WNT7A: variants seen among roughly 807,000 people sequenced by gnomAD.
The protein encoded by WNT7A is protein Wnt-7a.
A neutral mutation model predicts 28.2 loss-of-function variants in WNT7A; 16 were observed. That is an observed-to-expected ratio of 0.57 (90% CI 0.38 to 0.86). The LOEUF is 0.86. Ranked by LOEUF, WNT7A falls within the 40% of genes least tolerant of loss-of-function variation. The pLI is 0.00. For synonymous variants in WNT7A, 190 were observed against 195.9 expected, an observed-to-expected ratio of 0.97 and a Z score of 0.25; for missense variants, 411 against 489.7, an observed-to-expected ratio of 0.84 and a Z score of 1.52.
chr3:13,854,153 G>C (rs186120917), intron 3 of WNT7A, among the ~76,000 whole-genome samples: 44 of 152,102 alleles, frequency 2.9e-4, no homozygotes, highest in African/African-American at 9.9e-4. Context: ...GAAGAGGGAG[G>C]AAGGGAAGGA....
chr3:13,864,682 A>G (rs1694882921), intron 2 of WNT7A, among the ~76,000 whole-genome samples: 1 of 152,258 alleles, frequency 6.6e-6, no homozygotes, highest in Admixed American at 6.5e-5. Context: ...ATGAGTGGAC[A>G]TACAAGTGGG....
intron 3 of WNT7A, among the ~76,000 whole-genome samples, chr3:13,820,808 G>A (rs1160849378): frequency 6.6e-6 from 1 of 152,176 alleles, no homozygotes; most frequent in Non-Finnish European, 1.5e-5. Context: ...CCACCAGGGA[G>A]GGAGAGCCAC....
intron 3 of WNT7A, among the ~76,000 whole-genome samples, chr3:13,820,355 A>G (rs1200614194): frequency 6.6e-6 from 1 of 151,656 alleles, no homozygotes; most frequent in Non-Finnish European, 1.5e-5. Flanking sequence ...GCTTTTATGT[A>G]TGGCATCTTA....
chr3:13,839,558 T>C (rs1388422204), intron 3 of WNT7A, among the ~76,000 whole-genome samples: 2 of 152,170 alleles, frequency 1.3e-5, no homozygotes, highest in Non-Finnish European at 2.9e-5. Context: ...CAATGAACGC[T>C]ATCAGGGAAT....
chr3:13,868,679 G>GGAGA (rs1559307115), intron 2 of WNT7A, among the ~76,000 whole-genome samples: 7 of 2,710 alleles, frequency 2.6e-3, no homozygotes, highest in African/African-American at 7.7e-3. Context: ...GGAGAGAGGG[G>GGAGA]GAGAGAGAGA....
At position 13,867,542 on chromosome 3, in the gene WNT7A, A is replaced by G. The variant is rs115128404; in HGVS notation, c.298+7405T>C. Among the ~76,000 whole-genome samples the G allele has an allele frequency of 6.6e-4, 100 of 152,298 alleles. 1 individual carries two copies. The highest frequency in any genetic ancestry group is 2.3e-3 in the African/African-American group (94 of 41,554). ...TTCTTTCAAGGGTGCCAAGGACCCA[A>G]TGAAGTGACGGATGAGAAAGGGCTA... On this transcript the variant is annotated intron_variant, in intron 2 of 3. Transcript: ENST00000285018.
At chr3:13,848,067 T>TAAA (rs58146750) in intron 3 of WNT7A, among the ~76,000 whole-genome samples, 2,295 of 151,652 alleles carry the variant, frequency 0.015, 58 homozygotes, top group African/African-American at 0.05. Context: ...ATGAATTTTT[T>TAAA]AAAAAAAACA....
At chr3:13,838,092 C>T (rs996708053) in intron 3 of WNT7A, among the ~76,000 whole-genome samples, 1 of 152,248 alleles carries the variant, frequency 6.6e-6, no homozygotes, top group South Asian at 2.1e-4. Flanking sequence ...CCGGTTATCT[C>T]TATGCGTCTG....
At chr3:13,849,531 C>T (rs765823224) in intron 3 of WNT7A, among the ~76,000 whole-genome samples, 41 of 152,142 alleles carry the variant, frequency 2.7e-4, no homozygotes, top group South Asian at 2.1e-4. Context: ...ACTTACGATG[C>T]GCCAGGCACT....
intron 3 of WNT7A, among the ~76,000 whole-genome samples, chr3:13,851,977 T>C (rs1181286638): frequency 6.6e-6 from 1 of 152,198 alleles, no homozygotes. Flanking sequence ...GACCACACAA[T>C]TGACGAGACA....
rs530964811 is a variant in WNT7A at position 13,824,887 on chromosome 3, A to G, written c.571-5464T>C. On this transcript the variant is annotated intron_variant, in intron 3 of 3. Transcript: ENST00000285018. ...AAAGGCCAAAAGAATCTGAAGATCC[A>G]CCAGTGGGGACTGGTTATGTAAATT... Among the ~76,000 whole-genome samples, 3 of 152,318 alleles carry G rather than the reference A, an allele frequency of 2.0e-5. 1 individual carries two copies. Among genetic ancestry groups the G allele is most frequent in the Middle Eastern group, 6.8e-3 (2 of 294 alleles).
Position 13,844,171 on chromosome 3 carries a change from G to A in WNT7A, c.570+10361C>T, listed in dbSNP as rs76814780. Reference sequence around the variant, plus strand: ...GAACAGAGCTTGGGTTGCAGAGTTGGGATGGCTGGAGGGAACCCTGGCTCA... The same window carrying A: ...GAACAGAGCTTGGGTTGCAGAGTTGAGATGGCTGGAGGGAACCCTGGCTCA... On this transcript the variant is annotated intron_variant, in intron 3 of 3. Transcript: ENST00000285018. Among the ~76,000 whole-genome samples, 147 of 152,300 alleles carry A rather than the reference G, an allele frequency of 9.7e-4. 1 individual carries two copies. The highest frequency in any genetic ancestry group is 3.4e-3 in the African/African-American group (142 of 41,558).
At chr3:13,856,072 G>A (rs1434363219) in intron 2 of WNT7A, among the ~76,000 whole-genome samples, 2 of 151,472 alleles carry the variant, frequency 1.3e-5, no homozygotes, top group East Asian at 1.9e-4. Flanking sequence ...CCCCATCGCT[G>A]CCCTCCCACC....
intron 2 of WNT7A, among the ~76,000 whole-genome samples, chr3:13,868,847 A>AGT (rs534405391): frequency 1.4e-5 from 2 of 142,374 alleles, no homozygotes; most frequent in African/African-American, 5.2e-5. Flanking sequence ...AGAGAGAGAA[A>AGT]GTGAGAGAGA....
At chr3:13,846,082 T>A (rs1024180053) in intron 3 of WNT7A, among the ~76,000 whole-genome samples, 5 of 152,188 alleles carry the variant, frequency 3.3e-5, no homozygotes, top group African/African-American at 4.8e-5. Context: ...ACCGGGTTCC[T>A]CCCTGGCCCT....
At chr3:13,855,984 TC>T (rs1297387909) in intron 2 of WNT7A, among the ~76,000 whole-genome samples, 1 of 152,074 alleles carries the variant, frequency 6.6e-6, no homozygotes, top group Admixed American at 6.6e-5. Flanking sequence ...GGGAGGTCCT[TC>T]CCCACCCACC....
At chr3:13,825,480 C>T (rs540968156) in intron 3 of WNT7A, among the ~76,000 whole-genome samples, 1 of 152,192 alleles carries the variant, frequency 6.6e-6, no homozygotes, top group Non-Finnish European at 1.5e-5. Context: ...AACAAAAAGC[C>T]CTGTTACGTA....
chr3:13,819,043 C>T lies in WNT7A; in HGVS notation c.951G>A (p.Gln317=), dbSNP rs771275944. Residue 317 remains glutamine (Q), a synonymous_variant, in exon 4 of 4, where the codon CAG becomes CAA. Transcript: ENST00000285018. ...AGTTGCACTGCCACACGCGGGCGTA[C>T]TGGTGGGTGTTGTAGCCACGCCCAC... is the stretch of plus-strand genomic sequence containing the variant. ...MCCGRGYNTH[Q]YARVWQCNCK... 1 of 1,613,538 alleles carries T rather than the reference C, an allele frequency of 6.2e-7. No individual in the cohort carries two copies. The highest frequency in any genetic ancestry group is 1.1e-5 in the South Asian group (1 of 91,052).
rs751362548 is a variant in WNT7A, at chr3:13,874,977, G to C, written c.268C>G (p.Arg90Gly). 2 of 1,614,154 alleles carry C rather than the reference G, an allele frequency of 1.2e-6. No homozygotes were observed. The highest frequency in any genetic ancestry group is 2.2e-5 in the South Asian group (2 of 91,084). The change falls in exon 2 of 4, where the codon CGC becomes GGC. Residue 90 changes from arginine (R) to glycine (G), a missense_variant. Coordinates refer to ENST00000285018, the MANE Select transcript of WNT7A (RefSeq NM_004625.4). ...GRWNCSALGE[R>G]TVFGKELKVG... is the part of the protein sequence containing the mutation. ...TTGAGCTCCTTCCCGAAGACGGTGC[G>C]CTCTCCCAGTGCAGAGCAGTTCCAG... is the stretch of plus-strand genomic sequence containing the variant.
Sources: allele counts gnomAD v4.1 joint callset (sites outside exome capture counted in the v4.1 genomes callset), GRCh38; gene constraint gnomAD v4.1.1; transcripts MANE v1.5; gene names NCBI Gene and HGNC (gene_info 2026-07-23, HGNC 2026-07-21).